The following METTL5 variants were observed in gnomAD, a reference collection of about 807,000 sequenced individuals.
The protein encoded by METTL5 is rRNA N(6)-adenosine-methyltransferase METTL5.
METTL5 carries 28 observed loss-of-function variants against 26.5 expected under a neutral mutation model. The ratio of observed to expected loss-of-function variants is 1.06; its 90% confidence interval spans 0.78 to 1.45. The LOEUF is 1.45. METTL5 is among the 40% of genes most tolerant of loss of function. The pLI is 0.00. For missense variants in METTL5, 231 were observed against 249.9 expected (o/e 0.92, Z 0.51); for synonymous variants, 86 against 82.6 (o/e 1.04, Z -0.22).
At chr2:169,819,071 T>TCC (rs1262650704) in intron 4 of METTL5, among the ~76,000 whole-genome samples, 3 of 152,204 alleles carry the variant, frequency 2.0e-5, no homozygotes, top group Non-Finnish European at 4.4e-5. Context: ...TACTGCCCCT[T>TCC]CCCCCAGTTT....
intron 5 of METTL5, 130 bp downstream of exon 5, chr2:169,815,347 A>C: frequency 3.2e-6 from 2 of 630,690 alleles, no homozygotes; most frequent in Non-Finnish European, 5.7e-6. Context: ...TCCATTTCCA[A>C]TCTATTACCA....
rs770808439 is a variant in METTL5 at position 169,811,870 on chromosome 2, GA to G, written c.592-13del. On this transcript the variant is annotated splice_polypyrimidine_tract_variant and intron_variant, in intron 6 of 6. Coordinates refer to ENST00000260953, the MANE Select transcript of METTL5 (RefSeq NM_014168.4). ...ACTTCAATGTCCACCTGTGAGAAAG[GA>G]AAAATTTTTTTGTTGTTTAACTTGT... 6.2e-7 allele frequency: 1 copy of G among 1,611,604 alleles called. No individual in the cohort carries two copies. Among genetic ancestry groups the G allele is most frequent in the Admixed American group, 1.7e-5 (1 of 59,616 alleles).
chr2:169,819,498 C>G, intron 4 of METTL5, 63 bp downstream of exon 4: 1 of 1,307,156 alleles, frequency 7.7e-7, no homozygotes, highest in Non-Finnish European at 1.1e-6. Flanking sequence ...CACAGCAAAT[C>G]CTAAAAACAC....
At position 169,824,745 on chromosome 2, in the gene METTL5, G is replaced by A. The variant is rs1573975967; in HGVS notation, c.-148C>T. On this transcript the variant is annotated 5_prime_UTR_variant, in exon 1 of 7. Coordinates refer to ENST00000260953, the MANE Select transcript of METTL5 (RefSeq NM_014168.4). ...ACCCGAAGACGCGCCCTAAGGAGAC[G>A]CCCGGACGCAGGGCACGGGGCGAGC... is the stretch of plus-strand genomic sequence containing the variant. 2 of 631,400 alleles carry A rather than the reference G, an allele frequency of 3.2e-6. No homozygotes were observed. The highest frequency in any genetic ancestry group is 2.8e-5 in the East Asian group (1 of 35,284). 39.1% of individuals were successfully genotyped at this position (631,400 alleles called of 1,614,324 possible).
intron 3 of METTL5, among the ~76,000 whole-genome samples, chr2:169,819,867 T>A (rs2081560034): frequency 6.6e-6 from 1 of 152,072 alleles, no homozygotes; most frequent in Non-Finnish European, 1.5e-5. Context: ...ATTTTAATAT[T>A]ATATTCCAAC....
Position 169,824,471 on chromosome 2 carries a change from G to T in METTL5, c.109+18C>A. The T allele has an allele frequency of 6.3e-7, 1 of 1,586,478 alleles. No homozygotes were observed. The highest frequency in any genetic ancestry group is 8.7e-7 in the Non-Finnish European group (1 of 1,154,810). On this transcript the variant is annotated intron_variant, in intron 1 of 6. Transcript: ENST00000260953. Reference sequence around the variant, plus strand: ...GACTAACGCCGAAAGCCGGGGCGTGGTGAACCAGCCGCCCTACCTGCAATG... The same window carrying T: ...GACTAACGCCGAAAGCCGGGGCGTGTTGAACCAGCCGCCCTACCTGCAATG...
intron 6 of METTL5, chr2:169,812,240 C>A: frequency 1.4e-6 from 1 of 695,376 alleles, no homozygotes; most frequent in Non-Finnish European, 2.3e-6. Flanking sequence ...ACAAAGCTTT[C>A]CTTTTTTTTT....
rs151183116 is a variant in METTL5 at position 169,822,631 on chromosome 2, A to G, written c.110-574T>C. Among the ~76,000 whole-genome samples, 1,026 of 151,870 alleles carry G rather than the reference A, an allele frequency of 6.8e-3. 12 individuals are homozygous for G. The highest frequency in any genetic ancestry group is 0.023 in the African/African-American group (968 of 41,378). On this transcript the variant is annotated intron_variant, in intron 1 of 6. Coordinates refer to ENST00000260953, the MANE Select transcript of METTL5 (RefSeq NM_014168.4). ...TTTTTTTTAAACACAGGTTCTCACT[A>G]TATTGCCCACGCTGCTCTCGAACTC...
At chr2:169,816,694 G>A (rs1261611062) in intron 4 of METTL5, among the ~76,000 whole-genome samples, 1 of 152,170 alleles carries the variant, frequency 6.6e-6, no homozygotes, top group Non-Finnish European at 1.5e-5. Flanking sequence ...CAAGCAATGG[G>A]AAAAGGATTC....
chr2:169,824,261 G>C (rs770837870), intron 1 of METTL5: 1 of 435,278 alleles, frequency 2.3e-6, no homozygotes, highest in Non-Finnish European at 4.2e-6. Context: ...AAGATGTCTG[G>C]CAGTGTTAAG....
At chr2:169,811,893 T>C (rs1558974283) in intron 6 of METTL5, 35 bp from the exon 7 acceptor site, 1 of 1,604,260 alleles carries the variant, frequency 6.2e-7, no homozygotes. Context: ...GTTGTTTAAC[T>C]TGTCTTTTTG....
chr2:169,820,658 T>G (rs957092968), intron 3 of METTL5, among the ~76,000 whole-genome samples: 1 of 152,248 alleles, frequency 6.6e-6, no homozygotes, highest in Non-Finnish European at 1.5e-5. Context: ...AGCCTTGGTT[T>G]ATTTAATGAA....
chr2:169,812,700 T>C (rs1041514453), intron 5 of METTL5, 194 bp from the exon 6 acceptor site: 14 of 560,498 alleles, frequency 2.5e-5, no homozygotes, highest in Non-Finnish European at 3.4e-5. Flanking sequence ...ATTTCTGTTA[T>C]TATGGCCATT....
chr2:169,821,408 CT>C (rs370579426), intron 2 of METTL5, 135 bp from the exon 3 acceptor site: 15,572 of 490,654 alleles, frequency 0.032, 1 homozygote, highest in South Asian at 0.043. Context: ...GTGTTTTCTT[CT>C]TTTTTTTTTT....
chr2:169,816,082 C>T (rs1371054448), intron 4 of METTL5, among the ~76,000 whole-genome samples: 1 of 152,100 alleles, frequency 6.6e-6, no homozygotes, highest in African/African-American at 2.4e-5. Context: ...TTAGTCAGAA[C>T]ATATCCCTGT....
In METTL5 at chr2:169,822,030, G is replaced by A; in HGVS notation, c.137C>T (p.Thr46Ile). ...GACTTTATTTTCAATGTCATCATAA[G>A]TGTTATGGATTGTATAGAGCATACA... ...AACMLYTIHN[T>I]YDDIENKVVA... The change falls in exon 2 of 7, where the codon ACT becomes ATT. Residue 46 changes from threonine (T) to isoleucine (I), a missense_variant. By Grantham distance (89) the Thr-to-Ile change is moderately conservative. Transcript: ENST00000260953. 6.2e-7 allele frequency: 1 copy of A among 1,611,430 alleles called. No homozygotes were observed. Among genetic ancestry groups the A allele is most frequent in the East Asian group, 2.2e-5 (1 of 44,858 alleles).
rs778306571 is a variant in METTL5, at chr2:169,824,601, G to C, written c.-4C>G. On this transcript the variant is annotated 5_prime_UTR_variant, in exon 1 of 7. Coordinates refer to ENST00000260953, the MANE Select transcript of METTL5 (RefSeq NM_014168.4). ...CCTTAAGCCTTACTTTCTTCATTTT[G>C]TTTTAAAGTATGGACTCGTAGGGTT... 6.8e-6 allele frequency: 11 copies of C among 1,608,464 alleles called. No homozygotes were observed. Among genetic ancestry groups the C allele is most frequent in the African/African-American group, 1.3e-5 (1 of 74,806 alleles).
At chr2:169,812,160 A>G (rs955587113) in intron 6 of METTL5, 9 of 554,758 alleles carry the variant, frequency 1.6e-5, no homozygotes, top group Middle Eastern at 4.8e-4. Flanking sequence ...CAGGCCATTT[A>G]TGGTGTCTCC....
chr2:169,822,206 G>A, intron 1 of METTL5, 149 bp from the exon 2 acceptor site: 4 of 1,188,956 alleles, frequency 3.4e-6, no homozygotes, highest in Non-Finnish European at 4.5e-6. Flanking sequence ...AAGATAAGGG[G>A]TAATGATTTG....
Sources: gnomAD v4.1 joint callset for allele counts (sites outside exome capture counted in the v4.1 genomes callset) on GRCh38, gnomAD v4.1.1 for gene constraint, MANE v1.5 for transcripts, NCBI Gene and HGNC (gene_info 2026-07-23, HGNC 2026-07-21) for gene names.